Variants in IMMP2L observed in about 807,000 individuals in gnomAD.
The protein encoded by IMMP2L is mitochondrial inner membrane protease subunit 2.
A neutral mutation model predicts 19.3 loss-of-function variants in IMMP2L; 18 were observed. That is an observed-to-expected ratio of 0.93 (90% CI 0.64 to 1.38). IMMP2L has a LOEUF of 1.38. IMMP2L is among the 40% of genes most tolerant of loss of function. IMMP2L has a pLI of 0.00. For synonymous variants in IMMP2L, 76 were observed against 73.0 expected, an observed-to-expected ratio of 1.04 and a Z score of -0.21; for missense variants, 233 against 218.2, an observed-to-expected ratio of 1.07 and a Z score of -0.43.
chr7:111,376,527 T>C (rs1031498601), intron 3 of IMMP2L, among the ~76,000 whole-genome samples: 2 of 152,074 alleles, frequency 1.3e-5, no homozygotes, highest in African/African-American at 2.4e-5. Flanking sequence ...AGTTACCATA[T>C]AATCCATCAA....
intron 5 of IMMP2L, among the ~76,000 whole-genome samples, chr7:110,716,512 T>C (rs1270517516): frequency 6.6e-6 from 1 of 152,192 alleles, no homozygotes; most frequent in Non-Finnish European, 1.5e-5. Flanking sequence ...CTAATTCCCT[T>C]GCACTTGCTT....
chr7:111,370,223 A>G (rs926585885), intron 3 of IMMP2L, among the ~76,000 whole-genome samples: 1 of 152,008 alleles, frequency 6.6e-6, no homozygotes, highest in African/African-American at 2.4e-5. Context: ...CTCAGGCAAC[A>G]TTTAACATCT....
chr7:111,537,869 C>T (rs946951193), intron 1 of IMMP2L, among the ~76,000 whole-genome samples: 2 of 151,940 alleles, frequency 1.3e-5, no homozygotes, highest in Admixed American at 6.6e-5. Flanking sequence ...TTCAACCAAA[C>T]CCACCTCCAT....
At chr7:110,729,033 T>G (rs565653026) in intron 5 of IMMP2L, among the ~76,000 whole-genome samples, 10 of 148,126 alleles carry the variant, frequency 6.8e-5, no homozygotes, top group Non-Finnish European at 9.0e-5. Flanking sequence ...TACAGGCACA[T>G]GCCACTATGC....
At chr7:111,232,184 TAAAGA>T (rs1813787904) in intron 3 of IMMP2L, among the ~76,000 whole-genome samples, 3 of 152,032 alleles carry the variant, frequency 2.0e-5, no homozygotes, top group African/African-American at 4.8e-5. Flanking sequence ...TTATGAACTT[TAAAGA>T]AAAGTCAGGA....
intron 5 of IMMP2L, among the ~76,000 whole-genome samples, chr7:110,807,599 A>G (rs936440883): frequency 3.9e-5 from 6 of 152,088 alleles, no homozygotes; most frequent in African/African-American, 1.4e-4. Flanking sequence ...CAAAGCATTA[A>G]TTTTTAAAAA....
At chr7:110,871,184 T>C (rs941236414) in intron 5 of IMMP2L, among the ~76,000 whole-genome samples, 6 of 151,992 alleles carry the variant, frequency 3.9e-5, no homozygotes, top group African/African-American at 1.4e-4. Context: ...GGAAAGAAGA[T>C]GGAAGGAGAA....
chr7:110,832,402 C>T (rs1270451587), intron 5 of IMMP2L, among the ~76,000 whole-genome samples: 1 of 152,126 alleles, frequency 6.6e-6, no homozygotes, highest in African/African-American at 2.4e-5. Flanking sequence ...TGCTAAAGTT[C>T]AGGACGTCCC....
At chr7:111,140,729 AACTATTGC>A (rs1386187833) in intron 3 of IMMP2L, among the ~76,000 whole-genome samples, 8 of 152,188 alleles carry the variant, frequency 5.3e-5, no homozygotes, top group Non-Finnish European at 1.0e-4. Context: ...CAACCAAAGA[AACTATTGC>A]TCTTCATTCA....
chr7:110,783,550 A>C (rs1176649036), intron 5 of IMMP2L, among the ~76,000 whole-genome samples: 1 of 151,914 alleles, frequency 6.6e-6, no homozygotes, highest in African/African-American at 2.4e-5. Context: ...AATTAGAACA[A>C]ACATTTAAAA....
At chr7:111,172,664 C>T (rs1334159374) in intron 3 of IMMP2L, among the ~76,000 whole-genome samples, 1 of 151,528 alleles carries the variant, frequency 6.6e-6, no homozygotes, top group East Asian at 1.9e-4. Flanking sequence ...TTTCCTTCCC[C>T]TCCTCAAGTA....
At chr7:111,321,049 G>T (rs117502636) in intron 3 of IMMP2L, among the ~76,000 whole-genome samples, 2,995 of 152,110 alleles carry the variant, frequency 0.02, 53 homozygotes, top group Admixed American at 0.034. Context: ...CCACCAAAAT[G>T]TGTATGAACT....
At chr7:110,977,135 C>T (rs1327510314) in intron 3 of IMMP2L, among the ~76,000 whole-genome samples, 3 of 151,950 alleles carry the variant, frequency 2.0e-5, no homozygotes, top group South Asian at 4.1e-4. Flanking sequence ...TTATTTCTTA[C>T]GGTCATTAAT....
At chr7:110,790,227 A>G (rs2131142185) in intron 5 of IMMP2L, among the ~76,000 whole-genome samples, 1 of 151,804 alleles carries the variant, frequency 6.6e-6, no homozygotes, top group Non-Finnish European at 1.5e-5. Flanking sequence ...GAGAAACAGT[A>G]TAACTGGGAC....
chr7:111,035,843 TG>T (rs1449924149), intron 3 of IMMP2L, among the ~76,000 whole-genome samples: 1 of 152,178 alleles, frequency 6.6e-6, no homozygotes, highest in Admixed American at 6.6e-5. Flanking sequence ...TGATATGGAC[TG>T]GCCTGGTCAT....
intron 3 of IMMP2L, among the ~76,000 whole-genome samples, chr7:110,971,621 G>A (rs902896010): frequency 4.6e-5 from 7 of 152,122 alleles, no homozygotes. Context: ...AGTTGCCTCA[G>A]AAAGCTCTTA....
rs537488246 is a variant in IMMP2L, at chr7:111,103,819, C to T, written c.240-140254G>A. ...CTTTCAAGTAGGTACCATTATCACT[C>T]ACCTTTCAGTAGATGAGGAAACAAT... is the stretch of plus-strand genomic sequence containing the variant. On this transcript the variant is annotated intron_variant, in intron 3 of 5. Coordinates refer to ENST00000405709, the MANE Select transcript of IMMP2L (RefSeq NM_032549.4). Among the ~76,000 whole-genome samples the T allele has an allele frequency of 2.6e-5, 4 of 151,684 alleles. No homozygotes were observed. The South Asian group carries it at 8.3e-4, about 31-fold the overall frequency.
chr7:110,744,021 G>T (rs1043421559), intron 5 of IMMP2L, among the ~76,000 whole-genome samples: 5 of 152,190 alleles, frequency 3.3e-5, no homozygotes, highest in African/African-American at 9.6e-5. Flanking sequence ...AATTCTTGCT[G>T]CCAGCACAGC....
At chr7:111,420,783 C>T (rs1007854318) in intron 3 of IMMP2L, among the ~76,000 whole-genome samples, 1 of 151,758 alleles carries the variant, frequency 6.6e-6, no homozygotes, top group African/African-American at 2.4e-5. Flanking sequence ...ATAAGTGCCA[C>T]ATTTTCTTAA....
Sources: allele counts gnomAD v4.1 joint callset (sites outside exome capture counted in the v4.1 genomes callset), GRCh38; gene constraint gnomAD v4.1.1; transcripts MANE v1.5; gene names NCBI Gene and HGNC (gene_info 2026-07-23, HGNC 2026-07-21).